The following SLCO6A1 variants were observed in gnomAD, a reference collection of about 807,000 sequenced individuals.
The protein encoded by SLCO6A1 is cancer/testis antigen 48.
A neutral mutation model predicts 72.7 loss-of-function variants in SLCO6A1; 65 were observed. That is an observed-to-expected ratio of 0.89 (90% CI 0.73 to 1.10). SLCO6A1 has a LOEUF of 1.10. Ranked by LOEUF, SLCO6A1 falls within the 50% of genes least tolerant of loss-of-function variation. The pLI, the probability that SLCO6A1 is intolerant of heterozygous loss-of-function variation, is 0.00. For missense variants in SLCO6A1, 874 were observed against 872.6 expected (o/e 1.00, Z -0.02); for synonymous variants, 314 against 298.2 (o/e 1.05, Z -0.55).
chr5:102,425,428 G>C (rs1748840598), intron 7 of SLCO6A1, among the ~76,000 whole-genome samples: 1 of 152,204 alleles, frequency 6.6e-6, no homozygotes, highest in South Asian at 2.1e-4. Flanking sequence ...AAAGTCTCAG[G>C]ATACAAAATC....
At chr5:102,394,552 A>C (rs1017237274) in intron 10 of SLCO6A1, among the ~76,000 whole-genome samples, 1 of 152,072 alleles carries the variant, frequency 6.6e-6, no homozygotes, top group Non-Finnish European at 1.5e-5. Context: ...TGGATAATAA[A>C]AACCTGAGAA....
At position 102,399,798 on chromosome 5, in the gene SLCO6A1, T is replaced by C. The variant is rs1166399103; in HGVS notation, c.1627-56A>G. ...TCAGAAAAATAGTCATAAACAAAAG[T>C]TCTTATCATAAAATAAAAATTAAAT... On this transcript the variant is annotated intron_variant, in intron 9 of 13. Coordinates refer to ENST00000506729, the MANE Select transcript of SLCO6A1 (RefSeq NM_173488.5). 6 of 1,265,812 alleles carry C rather than the reference T, an allele frequency of 4.7e-6. No individual in the cohort carries two copies. In the African/African-American group the frequency reaches 7.5e-5, roughly 16 times the overall value. The allele number at this position is 1,265,812 out of a possible 1,614,324, so 78.4% of individuals were successfully genotyped here.
rs532806989 is a variant in SLCO6A1 at position 102,421,804 on chromosome 5, T to C, written c.1277-1783A>G. ...ATGACTGCTTCCTCAAGTGGGTCCCTGACTCCCATGCCTCCTGACTGGAAG... is the reference window on the plus strand; with the variant it reads ...ATGACTGCTTCCTCAAGTGGGTCCCCGACTCCCATGCCTCCTGACTGGAAG... On this transcript the variant is annotated intron_variant, in intron 7 of 13. Coordinates refer to ENST00000506729, the MANE Select transcript of SLCO6A1 (RefSeq NM_173488.5). 2.1e-3 allele frequency among the ~76,000 whole-genome samples: 317 copies of C among 152,322 alleles called. 3 individuals are homozygous for C. Among genetic ancestry groups the C allele is most frequent in the African/African-American group, 7.2e-3 (301 of 41,584 alleles).
intron 8 of SLCO6A1, among the ~76,000 whole-genome samples, chr5:102,416,361 A>G (rs1748285639): frequency 1.3e-5 from 2 of 152,030 alleles, no homozygotes. Context: ...TTATATATAC[A>G]TATATATACA....
At chr5:102,484,518 G>A (rs576768905) in intron 1 of SLCO6A1, among the ~76,000 whole-genome samples, 3 of 151,848 alleles carry the variant, frequency 2.0e-5, no homozygotes, top group Non-Finnish European at 2.9e-5. Flanking sequence ...GCGTGGTGGC[G>A]GGTGCCTGTA....
intron 1 of SLCO6A1, among the ~76,000 whole-genome samples, chr5:102,494,201 C>G (rs559394331): frequency 6.6e-6 from 1 of 152,090 alleles, no homozygotes; most frequent in Non-Finnish European, 1.5e-5. Context: ...TTTCAATAAA[C>G]TATACTGGAA....
intron 6 of SLCO6A1, 36 bp downstream of exon 6, chr5:102,458,346 T>C (rs1421317111): frequency 6.8e-7 from 1 of 1,460,976 alleles, no homozygotes; most frequent in Admixed American, 1.8e-5. Flanking sequence ...ACAGGTCAAC[T>C]TAGTTGGATT....
intron 2 of SLCO6A1, among the ~76,000 whole-genome samples, chr5:102,479,172 T>C (rs1057258268): frequency 2.0e-5 from 3 of 152,138 alleles, no homozygotes; most frequent in African/African-American, 2.4e-5. Flanking sequence ...GTTCTCGTGA[T>C]AGTGAGTGAG....
At chr5:102,372,725 T>C (rs1750690755) in intron 13 of SLCO6A1, among the ~76,000 whole-genome samples, 1 of 150,926 alleles carries the variant, frequency 6.6e-6, no homozygotes, top group Non-Finnish European at 1.5e-5. Flanking sequence ...GGTAGAAGTA[T>C]ATGAGTATAT....
chr5:102,381,799 T>G (rs1296556042), intron 12 of SLCO6A1, among the ~76,000 whole-genome samples: 1 of 150,704 alleles, frequency 6.6e-6, no homozygotes, highest in Non-Finnish European at 1.5e-5. Flanking sequence ...CAATTTTCAC[T>G]TGCATTTTCC....
At chr5:102,466,283 T>A (rs1002176840) in intron 4 of SLCO6A1, among the ~76,000 whole-genome samples, 3 of 152,130 alleles carry the variant, frequency 2.0e-5, no homozygotes, top group Non-Finnish European at 4.4e-5. Flanking sequence ...GGTATTTGGT[T>A]TTCTATTCCT....
intron 10 of SLCO6A1, among the ~76,000 whole-genome samples, chr5:102,394,489 T>C (rs1746952795): frequency 6.6e-6 from 1 of 151,954 alleles, no homozygotes; most frequent in African/African-American, 2.4e-5. Context: ...TCATATTACA[T>C]ACAATATCAT....
At chr5:102,469,941 G>A (rs1056196867) in intron 4 of SLCO6A1, among the ~76,000 whole-genome samples, 1 of 152,118 alleles carries the variant, frequency 6.6e-6, no homozygotes, top group African/African-American at 2.4e-5. Flanking sequence ...CGTTGGTTCT[G>A]TTTATGTGAG....
chr5:102,490,766 G>A (rs942212727), intron 1 of SLCO6A1, among the ~76,000 whole-genome samples: 34 of 152,088 alleles, frequency 2.2e-4, no homozygotes, highest in African/African-American at 6.8e-4. Context: ...TGGTGGGTTC[G>A]TGGTCTCGCT....
At position 102,480,224 on chromosome 5, in the gene SLCO6A1, A is replaced by G; in HGVS notation, c.569T>C (p.Phe190Ser). 1 of 1,612,166 alleles carries G rather than the reference A, an allele frequency of 6.2e-7. No homozygotes were observed. The highest frequency in any genetic ancestry group is 8.5e-7 in the Non-Finnish European group (1 of 1,179,098). ...TTTATTTTCTTCATTAATGGATGGA[A>G]AAGCACATAAAAGTGATCCAAGTCC... ...LIGLGSLLCAFPSINEENKQS... is the reference protein window; with the variant it reads ...LIGLGSLLCASPSINEENKQS... The change falls in exon 2 of 14, where the codon TTT becomes TCT. Residue 190 changes from phenylalanine to serine, a missense_variant. Phe to Ser is a radical substitution (Grantham distance 155). Coordinates refer to ENST00000506729, the MANE Select transcript of SLCO6A1 (RefSeq NM_173488.5).
chr5:102,395,885 G>A lies in SLCO6A1; in HGVS notation c.1814+3670C>T, dbSNP rs1225273453. ...TATCCTTCACCCACTTTTTGATGGG[G>A]TTGTTTGTTTTTTTCTTGTAAATTT... On this transcript the variant is annotated intron_variant, in intron 10 of 13. Transcript: ENST00000506729. Among the ~76,000 whole-genome samples the A allele has an allele frequency of 2.6e-5, 4 of 152,244 alleles. No individual in the cohort carries two copies. The East Asian group carries it at 7.7e-4, about 29-fold the overall frequency.
At chr5:102,482,371 T>C (rs1292421873) in intron 1 of SLCO6A1, among the ~76,000 whole-genome samples, 4 of 152,168 alleles carry the variant, frequency 2.6e-5, no homozygotes, top group African/African-American at 9.7e-5. Context: ...CTGCTACAAG[T>C]TTTATTTCTC....
chr5:102,441,760 C>T (rs924890007), intron 6 of SLCO6A1, among the ~76,000 whole-genome samples: 6 of 151,724 alleles, frequency 4.0e-5, no homozygotes, highest in Admixed American at 1.3e-4. Context: ...GTTTTTTTAG[C>T]ATCTCTGTTA....
At chr5:102,438,342 T>C (rs1319414325) in intron 7 of SLCO6A1, among the ~76,000 whole-genome samples, 2 of 151,942 alleles carry the variant, frequency 1.3e-5, no homozygotes, top group Admixed American at 6.6e-5. Flanking sequence ...TGTACAAACA[T>C]GCATGGGAAT....
Sources: gnomAD v4.1 joint callset for allele counts (sites outside exome capture counted in the v4.1 genomes callset) on GRCh38, gnomAD v4.1.1 for gene constraint, MANE v1.5 for transcripts, NCBI Gene and HGNC (gene_info 2026-07-23, HGNC 2026-07-21) for gene names.